KLHL21: variants seen among roughly 807,000 people sequenced by gnomAD.
KLHL21 encodes the protein kelch like family member 21, also known as kelch-like protein 21.
A neutral mutation model predicts 44.1 loss-of-function variants in KLHL21; 42 were observed. The ratio of observed to expected loss-of-function variants is 0.95; its 90% CI spans 0.74 to 1.23. KLHL21 has a LOEUF of 1.23. Among genes scored for constraint, KLHL21 ranks in the 50% most tolerant of loss-of-function variants. The probability of loss-of-function intolerance (pLI) is 0.00; values close to 1 mark genes in which losing one functional copy is unlikely to be tolerated. For missense variants in KLHL21, 918 were observed against 889.1 expected, an observed-to-expected ratio of 1.03 and a Z score of -0.41; for synonymous variants, 524 against 411.6, an observed-to-expected ratio of 1.27 and a Z score of -3.31.
chr1:6,601,825 C>T lies in KLHL21; in HGVS notation c.993G>A (p.Val331=). 1.9e-6 allele frequency: 3 copies of T among 1,584,754 alleles called. No individual in the cohort carries two copies. Among genetic ancestry groups the T allele is most frequent in the Non-Finnish European group, 2.6e-6 (3 of 1,165,804 alleles). Residue 331 remains valine, a synonymous_variant, in exon 1 of 4, where the codon GTG becomes GTA. Transcript: ENST00000377658. ...TCACGTAGATGTCATTGCCCAGCGC[C>T]ACGATGCTGTAGCCTCCGCCCAGGT... is the stretch of plus-strand genomic sequence containing the variant. ...PDHLGGGYSI[V]ALGNDIYVTG...
rs772447646 is a variant in KLHL21, at chr1:6,593,447, C to T, written c.1712G>A (p.Arg571His). The change falls in exon 4 of 4, where the codon CGT becomes CAT. Residue 571 changes from arginine to histidine, a missense_variant. By Grantham distance (29) the Arg-to-His change is conservative (BLOSUM62 0). Transcript: ENST00000377658. ...GCTGCCACTGTCCAACTCGAAGCCA[C>T]GCCCACCCGAGAAGGTCTGGGGCAT... Reference protein sequence around the residue: ...QFMPQTFSGGRGFELDSGSDD... With the variant: ...QFMPQTFSGGHGFELDSGSDD... 29 of 1,613,352 alleles carry T rather than the reference C, an allele frequency of 1.8e-5. No individual in the cohort carries two copies. Among genetic ancestry groups the T allele is most frequent in the African/African-American group, 4.0e-5 (3 of 75,054 alleles).
rs917011944 is a variant in KLHL21 at position 6,590,920 on chromosome 1, G to A, written c.*2445C>T. 19 of 398,508 alleles carry A rather than the reference G, an allele frequency of 4.8e-5. No individual in the cohort carries two copies. Among genetic ancestry groups the A allele is most frequent in the Admixed American group, 4.0e-4 (9 of 22,716 alleles). The allele number at this position is 398,508 out of a possible 1,614,324, so 24.7% of individuals were successfully genotyped here. A position where few individuals can be genotyped will look rare whatever the true frequency, so the allele number is the denominator to read the frequency against. On this transcript the variant is annotated 3_prime_UTR_variant, in exon 4 of 4. Coordinates refer to ENST00000377658, the MANE Select transcript of KLHL21 (RefSeq NM_014851.4). ...GCGTCTCTGAAGTCATATAAATATA[G>A]AATACCTTATAGTAGATCAGCATTA...
rs1023513159 is a variant in KLHL21 at position 6,599,608 on chromosome 1, A to G, written c.1022-156T>C. The G allele has an allele frequency of 3.9e-6, 3 of 764,986 alleles. No homozygotes were observed. In the African/African-American group the frequency reaches 5.3e-5, roughly 13 times the overall value. The allele number at this position is 764,986 out of a possible 1,614,324, so 47.4% of individuals were successfully genotyped here. ...CCCTCTCCCCAAAAGCCCAGGCCAC[A>G]TGTTGTGGCTAAGGCAAAGCACACG... On this transcript the variant is annotated intron_variant, in intron 1 of 3. Coordinates refer to ENST00000377658, the MANE Select transcript of KLHL21 (RefSeq NM_014851.4).
At chr1:6,593,839 C>T (rs2148700768) in intron 3 of KLHL21, 181 bp from the exon 4 acceptor site, 2 of 1,366,380 alleles carry the variant, frequency 1.5e-6, no homozygotes, top group Non-Finnish European at 1.9e-6. Context: ...GAACGGGCCT[C>T]CCCGGAGGCA....
In KLHL21 at chr1:6,602,614, C is replaced by G. The variant is rs1641050484; in HGVS notation, c.204G>C (p.Gln68His). ...SPYFRAMFAG[Q>H]LRESRAERVR... ...CCCGCTCGGCGCGGCTCTCGCGCAGCTGCCCCGCGAACATGGCGCGGAAGT... is the reference window on the plus strand; with the variant it reads ...CCCGCTCGGCGCGGCTCTCGCGCAGGTGCCCCGCGAACATGGCGCGGAAGT... Residue 68 changes from glutamine (Q) to histidine (H), a missense_variant, in exon 1 of 4, where the codon CAG (glutamine) becomes CAC (histidine). Transcript: ENST00000377658. The G allele has an allele frequency of 3.9e-6, 6 of 1,521,744 alleles. No homozygotes were observed. The highest frequency in any genetic ancestry group is 5.3e-6 in the Non-Finnish European group (6 of 1,140,084). 94.3% of individuals were successfully genotyped at this position (1,521,744 alleles called of 1,614,324 possible).
At chr1:6,594,059 C>G (rs376656168) in intron 3 of KLHL21, 1 of 1,020,162 alleles carries the variant, frequency 9.8e-7, no homozygotes, top group East Asian at 9.1e-5. Context: ...AACCGCGAGG[C>G]TGGATGATTC....
Position 6,602,178 on chromosome 1 carries a change from C to T in KLHL21, c.640G>A (p.Ala214Thr), listed in dbSNP as rs1282272223. The change falls in exon 1 of 4, where the codon GCC (alanine) becomes ACC (threonine). Residue 214 changes from alanine (A) to threonine (T), a missense_variant. By Grantham distance (58) the Ala-to-Thr change is moderately conservative (BLOSUM62 0). Transcript: ENST00000377658. ...RWVRADPPRR[A>T]AHWPQLLEAV... Reference sequence around the variant, plus strand: ...TCCAGCAGCTGCGGCCAGTGCGCGGCGCGGCGCGGCGGGTCAGCGCGGACC... The same window carrying T: ...TCCAGCAGCTGCGGCCAGTGCGCGGTGCGGCGCGGCGGGTCAGCGCGGACC... 8 of 1,435,560 alleles carry T rather than the reference C, an allele frequency of 5.6e-6. No homozygotes were observed. The highest frequency in any genetic ancestry group is 7.2e-6 in the Non-Finnish European group (8 of 1,105,190). The allele number at this position is 1,435,560 out of a possible 1,614,324, so 88.9% of individuals were successfully genotyped here.
chr1:6,598,122 G>T (rs952418569), intron 2 of KLHL21, among the ~76,000 whole-genome samples: 1 of 152,244 alleles, frequency 6.6e-6, no homozygotes, highest in African/African-American at 2.4e-5. Context: ...AATGGAACAA[G>T]CACTGTGGGC....
chr1:6,598,206 G>C lies in KLHL21; in HGVS notation c.1427+841C>G, dbSNP rs1369125224. Reference sequence around the variant, plus strand: ...CAGCACTCTGGGAGGCAGGAAATGTGAGACGATTGTTTGAAGCTAGGAATT... The same window carrying C: ...CAGCACTCTGGGAGGCAGGAAATGTCAGACGATTGTTTGAAGCTAGGAATT... On this transcript the variant is annotated intron_variant, in intron 2 of 3. Transcript: ENST00000377658. Among the ~76,000 whole-genome samples, 4 of 152,302 alleles carry C rather than the reference G, an allele frequency of 2.6e-5. No homozygotes were observed. The East Asian group carries it at 7.7e-4, about 29-fold the overall frequency.
Position 6,602,607 on chromosome 1 carries a change from C to G in KLHL21, c.211G>C (p.Glu71Gln). 3.3e-6 allele frequency: 5 copies of G among 1,524,152 alleles called. No individual in the cohort carries two copies. In the East Asian group the frequency reaches 1.2e-4, roughly 38 times the overall value. 94.4% of individuals were successfully genotyped at this position (1,524,152 alleles called of 1,614,324 possible). A position where few individuals can be genotyped will look rare whatever the true frequency, so the allele number is the denominator to read the frequency against. ...AGGCGCACCCGCTCGGCGCGGCTCTCGCGCAGCTGCCCCGCGAACATGGCG... is the reference window on the plus strand; with the variant it reads ...AGGCGCACCCGCTCGGCGCGGCTCTGGCGCAGCTGCCCCGCGAACATGGCG... ...FRAMFAGQLR[E>Q]SRAERVRLHG... is the part of the protein sequence containing the mutation. Residue 71 changes from glutamate (E) to glutamine (Q), a missense_variant, in exon 1 of 4, where the codon GAG becomes CAG. Transcript: ENST00000377658.
intron 2 of KLHL21, among the ~76,000 whole-genome samples, chr1:6,597,959 AG>A (rs1640950457): frequency 1.3e-5 from 2 of 152,254 alleles, no homozygotes; most frequent in African/African-American, 4.8e-5. Flanking sequence ...GTGACCAGAC[AG>A]GTCATCAAGG....
In KLHL21 at chr1:6,599,031, G is replaced by A. The variant is rs1421792352; in HGVS notation, c.1427+16C>T. 8 of 1,554,832 alleles carry A rather than the reference G, an allele frequency of 5.1e-6. No individual in the cohort carries two copies. The highest frequency in any genetic ancestry group is 4.6e-5 in the East Asian group (2 of 43,944). The stretch of plus-strand genomic sequence containing the variant: ...AGACACCAAACACACAGTGGGGCTC[G>A]GCACCTGGAACTCACCTGACAAAGT... On this transcript the variant is annotated intron_variant, in intron 2 of 3. Transcript: ENST00000377658.
chr1:6,601,420 C>G (rs1012233626), intron 1 of KLHL21, among the ~76,000 whole-genome samples: 1 of 152,166 alleles, frequency 6.6e-6, no homozygotes, highest in Non-Finnish European at 1.5e-5. Context: ...GAACAGATGC[C>G]TCACCGGGCG....
chr1:6,593,996 A>G, intron 3 of KLHL21: 1 of 1,079,510 alleles, frequency 9.3e-7, no homozygotes, highest in Non-Finnish European at 1.1e-6. Flanking sequence ...TCCCCATGTT[A>G]CAGATGGGAA....
rs748383448 is a variant in KLHL21, at chr1:6,599,030, C to G, written c.1427+17G>C. ...GAGACACCAAACACACAGTGGGGCT[C>G]GGCACCTGGAACTCACCTGACAAAG... is the stretch of plus-strand genomic sequence containing the variant. On this transcript the variant is annotated intron_variant, in intron 2 of 3. Coordinates refer to ENST00000377658, the MANE Select transcript of KLHL21 (RefSeq NM_014851.4). 10 of 1,554,098 alleles carry G rather than the reference C, an allele frequency of 6.4e-6. No homozygotes were observed. In the African/African-American group the frequency reaches 1.4e-4, roughly 21 times the overall value.
Position 6,599,446 on chromosome 1 carries a change from G to T in KLHL21, c.1028C>A (p.Ser343Tyr), listed in dbSNP as rs1289207895. The T allele has an allele frequency of 6.2e-7, 1 of 1,600,592 alleles. No individual in the cohort carries two copies. Among genetic ancestry groups the T allele is most frequent in the Admixed American group, 1.7e-5 (1 of 59,624 alleles). The change falls in exon 2 of 4, where the codon TCC becomes TAC. Residue 343 changes from serine (S) to tyrosine (Y), a missense_variant. Coordinates refer to ENST00000377658, the MANE Select transcript of KLHL21 (RefSeq NM_014851.4). ...LGNDIYVTGGSDGSRLYDCVW... is the reference protein window; with the variant it reads ...LGNDIYVTGGYDGSRLYDCVW... ...GCAGTCATAGAGCCGGGAGCCATCG[G>T]ACCCACCTGCCAGGACGCATGACAG... is the stretch of plus-strand genomic sequence containing the variant.
chr1:6,593,593 A>C lies in KLHL21; in HGVS notation c.1566T>G (p.Asn522Lys). 1 of 1,613,252 alleles carries C rather than the reference A, an allele frequency of 6.2e-7. No homozygotes were observed. The highest frequency in any genetic ancestry group is 8.5e-7 in the Non-Finnish European group (1 of 1,179,458). Residue 522 changes from asparagine to lysine, a missense_variant, in exon 4 of 4, where the codon AAT (asparagine) becomes AAG (lysine). Physicochemically the swap from Asn to Lys is moderately conservative, Grantham distance 94 (BLOSUM62 0). Coordinates refer to ENST00000377658, the MANE Select transcript of KLHL21 (RefSeq NM_014851.4). ...CTACCACGTCCGAGAGTTCAAATGTATTGTCGTATCCCCCAGAGACGTACA... is the reference window on the plus strand; with the variant it reads ...CTACCACGTCCGAGAGTTCAAATGTCTTGTCGTATCCCCCAGAGACGTACA... ...GKLYVSGGYD[N>K]TFELSDVVEA...
In KLHL21 at chr1:6,601,828, G is replaced by C; in HGVS notation, c.990C>G (p.Ile330Met). Reference sequence around the variant, plus strand: ...CGTAGATGTCATTGCCCAGCGCCACGATGCTGTAGCCTCCGCCCAGGTGGT... The same window carrying C: ...CGTAGATGTCATTGCCCAGCGCCACCATGCTGTAGCCTCCGCCCAGGTGGT... ...FPDHLGGGYS[I>M]VALGNDIYVT... The change falls in exon 1 of 4, where the codon ATC (isoleucine) becomes ATG (methionine). Residue 330 changes from isoleucine to methionine, a missense_variant. Coordinates refer to ENST00000377658, the MANE Select transcript of KLHL21 (RefSeq NM_014851.4). The C allele has an allele frequency of 5.7e-6, 9 of 1,584,736 alleles. No homozygotes were observed. The highest frequency in any genetic ancestry group is 7.7e-6 in the Non-Finnish European group (9 of 1,165,748).
At chr1:6,600,995 T>C (rs1641008091) in intron 1 of KLHL21, among the ~76,000 whole-genome samples, 1 of 152,198 alleles carries the variant, frequency 6.6e-6, no homozygotes, top group Non-Finnish European at 1.5e-5. Context: ...ACAGCAGCTG[T>C]GACATCCCAG....
Sources: gnomAD v4.1 joint callset for allele counts (sites outside exome capture counted in the v4.1 genomes callset) on GRCh38, gnomAD v4.1.1 for gene constraint, MANE v1.5 for transcripts, NCBI Gene and HGNC (gene_info 2026-07-23, HGNC 2026-07-21) for gene names.